The following ENTREP2 variants were observed in gnomAD, a reference collection of about 807,000 sequenced individuals.
ENTREP2 encodes endosomal transmembrane epsin interactor 2, also known as protein ENTREP2.
At chr15:29,463,360 C>T in the ENTREP2 span, among the ~76,000 whole-genome samples, 52 of 152,304 alleles carry the variant, frequency 3.4e-4, 1 homozygote, top group African/African-American at 1.3e-3. Flanking sequence ...GGGCTGAGTT[C>T]AGCAACCGAT....
the ENTREP2 span, among the ~76,000 whole-genome samples, chr15:29,482,289 C>T: frequency 6.6e-6 from 1 of 151,740 alleles, no homozygotes; most frequent in Non-Finnish European, 1.5e-5. Context: ...AGATTACAGG[C>T]GTGAGCCACC....
chr15:29,538,303 T>A, the ENTREP2 span, among the ~76,000 whole-genome samples: 4 of 151,948 alleles, frequency 2.6e-5, no homozygotes, highest in Admixed American at 2.6e-4. Context: ...AAGCAGAGAG[T>A]TCAATTCAGC....
the ENTREP2 span, among the ~76,000 whole-genome samples, chr15:29,159,305 G>A: frequency 3.9e-5 from 6 of 152,118 alleles, no homozygotes; most frequent in East Asian, 1.9e-4. Context: ...TCGTGGTCTC[G>A]CTGGCTCCAG....
At chr15:29,645,932 GAATAAGA>G in the ENTREP2 span, among the ~76,000 whole-genome samples, 4 of 152,256 alleles carry the variant, frequency 2.6e-5, no homozygotes, top group African/African-American at 9.6e-5. Context: ...CTGGGTACTA[GAATAAGA>G]CATGATTTAT....
the ENTREP2 span, among the ~76,000 whole-genome samples, chr15:29,574,413 C>T: frequency 1.3e-5 from 2 of 152,192 alleles, no homozygotes; most frequent in African/African-American, 4.8e-5. Context: ...CGTGCCTCAG[C>T]CTCCTGAGTA....
chr15:29,318,563 G>A, the ENTREP2 span, among the ~76,000 whole-genome samples: 4 of 152,000 alleles, frequency 2.6e-5, no homozygotes, highest in African/African-American at 9.7e-5. Flanking sequence ...CTCGTGATCC[G>A]CCCACCTCGG....
At chr15:29,572,501 C>A in the ENTREP2 span, among the ~76,000 whole-genome samples, 2 of 151,794 alleles carry the variant, frequency 1.3e-5, no homozygotes, top group East Asian at 3.9e-4. Context: ...TCCGTTCATT[C>A]ATTCCTCCAA....
chr15:29,229,314 T>G, the ENTREP2 span, among the ~76,000 whole-genome samples: 94 of 152,266 alleles, frequency 6.2e-4, 1 homozygote, highest in Middle Eastern at 3.4e-3. Flanking sequence ...AATAATAGCG[T>G]ATCTGGGGAC....
chr15:29,257,841 T>C, the ENTREP2 span, among the ~76,000 whole-genome samples: 2 of 152,188 alleles, frequency 1.3e-5, no homozygotes, highest in South Asian at 2.1e-4. Flanking sequence ...AAGTTCATAA[T>C]GTTAGCAGTA....
the ENTREP2 span, among the ~76,000 whole-genome samples, chr15:29,311,255 A>G: frequency 6.6e-6 from 1 of 152,192 alleles, no homozygotes; most frequent in Non-Finnish European, 1.5e-5. Context: ...TATGATCGAT[A>G]GATTTCTGAA....
chr15:29,400,515 G>A, the ENTREP2 span, among the ~76,000 whole-genome samples: 4 of 152,182 alleles, frequency 2.6e-5, no homozygotes, highest in South Asian at 2.1e-4. Flanking sequence ...GAAAATCTAC[G>A]CAATAAGAAG....
the ENTREP2 span, among the ~76,000 whole-genome samples, chr15:29,333,445 C>T: frequency 4.6e-5 from 7 of 152,034 alleles, no homozygotes; most frequent in Admixed American, 1.3e-4. Context: ...TTGACACAGG[C>T]GCATCAGGGT....
At chr15:29,490,958 G>A in the ENTREP2 span, among the ~76,000 whole-genome samples, 11 of 152,288 alleles carry the variant, frequency 7.2e-5, no homozygotes, top group South Asian at 2.1e-4. Context: ...CAGGAGGCTC[G>A]GGCAGCACGG....
the ENTREP2 span, among the ~76,000 whole-genome samples, chr15:29,211,670 G>A: frequency 2.4e-4 from 37 of 152,140 alleles, no homozygotes; most frequent in Non-Finnish European, 4.9e-4. Flanking sequence ...CGATTTTGCC[G>A]AGAGTTTTAA....
At chr15:29,652,490 G>A in the ENTREP2 span, among the ~76,000 whole-genome samples, 3,378 of 152,342 alleles carry the variant, frequency 0.022, 52 homozygotes, top group Non-Finnish European at 0.033. Context: ...GAAACACGCC[G>A]CTTGCTCTCC....
the ENTREP2 span, among the ~76,000 whole-genome samples, chr15:29,655,154 C>T: frequency 1.3e-5 from 2 of 152,140 alleles, no homozygotes; most frequent in East Asian, 3.9e-4. Flanking sequence ...GTGATGATGG[C>T]CCCAATTCTT....
At chr15:29,506,112 C>T in the ENTREP2 span, among the ~76,000 whole-genome samples, 1 of 151,990 alleles carries the variant, frequency 6.6e-6, no homozygotes, top group African/African-American at 2.4e-5. Flanking sequence ...CTTCGTGAAG[C>T]ATACACAAGT....
At chr15:29,585,615 G>A in the ENTREP2 span, among the ~76,000 whole-genome samples, 4 of 152,158 alleles carry the variant, frequency 2.6e-5, no homozygotes, top group Non-Finnish European at 5.9e-5. Context: ...CCAGAACTTT[G>A]GGAGGCCGAG....
At chr15:29,659,266 C>G in the ENTREP2 span, among the ~76,000 whole-genome samples, 4 of 152,090 alleles carry the variant, frequency 2.6e-5, no homozygotes, top group Admixed American at 2.6e-4. Flanking sequence ...GTCAGGAGAT[C>G]GAGGCCATCC....
Sources: gnomAD v4.1 joint callset for allele counts (sites outside exome capture counted in the v4.1 genomes callset) on GRCh38, gnomAD v4.1.1 for gene constraint, MANE v1.5 for transcripts, NCBI Gene and HGNC (gene_info 2026-07-23, HGNC 2026-07-21) for gene names.